The following GPC3 variants were observed in gnomAD, a reference collection of about 807,000 sequenced individuals.
The protein encoded by GPC3 is glypican-3.
GPC3 carries 3 observed loss-of-function variants against 34.4 expected under a neutral mutation model. The observed-to-expected ratio is 0.09, with a 90% CI of 0.04 to 0.23. GPC3 has a LOEUF of 0.23. Ranked by LOEUF, GPC3 falls within the 10% of genes least tolerant of loss-of-function variation. GPC3 has a pLI of 1.00. For synonymous variants in GPC3, 177 were observed against 174.0 expected, an observed-to-expected ratio of 1.02 and a Z score of -0.13; for missense variants, 351 against 445.6, an observed-to-expected ratio of 0.79 and a Z score of 1.91.
chrX:133,935,758 G>A (rs1196157585), intron 2 of GPC3, among the ~76,000 whole-genome samples: 1 of 111,095 alleles, frequency 9.0e-6, no homozygotes, highest in Non-Finnish European at 1.9e-5. Context: ...GCACAGAAGA[G>A]TTTTGATTTA....
intron 2 of GPC3, among the ~76,000 whole-genome samples, chrX:133,865,675 A>C (rs1272684412): frequency 8.9e-6 from 1 of 112,152 alleles, no homozygotes; most frequent in Non-Finnish European, 1.9e-5. Context: ...CTTTTCCTAC[A>C]TGTGGTAATT....
At chrX:133,713,679 A>G (rs1169293323) in intron 3 of GPC3, among the ~76,000 whole-genome samples, 2 of 112,272 alleles carry the variant, frequency 1.8e-5, no homozygotes, top group African/African-American at 3.2e-5. Flanking sequence ...AGTATTTTGT[A>G]GGCATTTTCT....
At chrX:133,893,282 G>T (rs1000457528) in intron 2 of GPC3, among the ~76,000 whole-genome samples, 1 of 111,342 alleles carries the variant, frequency 9.0e-6, no homozygotes, top group South Asian at 3.8e-4. Flanking sequence ...TCTCAGTAAG[G>T]TTATATTGTT....
chrX:133,945,612 G>C (rs2076364666), intron 2 of GPC3, among the ~76,000 whole-genome samples: 1 of 109,016 alleles, frequency 9.2e-6, no homozygotes, highest in South Asian at 4.1e-4. Flanking sequence ...AAATTAGCCA[G>C]GCATGATGGC....
At chrX:133,772,187 T>C (rs2071929677) in intron 2 of GPC3, among the ~76,000 whole-genome samples, 1 of 112,000 alleles carries the variant, frequency 8.9e-6, no homozygotes, top group Non-Finnish European at 1.9e-5. Flanking sequence ...TCAATGCTTG[T>C]TAGAGTAAAA....
chrX:133,982,227 T>C (rs2076543878), intron 1 of GPC3, among the ~76,000 whole-genome samples: 1 of 111,956 alleles, frequency 8.9e-6, no homozygotes, highest in African/African-American at 3.2e-5. Flanking sequence ...TATGAGCTCA[T>C]TGGCTTTTTT....
intron 2 of GPC3, among the ~76,000 whole-genome samples, chrX:133,909,453 T>TG (rs1462327506): frequency 8.9e-6 from 1 of 112,163 alleles, no homozygotes; most frequent in Non-Finnish European, 1.9e-5. Flanking sequence ...GTCTGATACT[T>TG]TTTCCTCAAC....
At chrX:133,745,301 C>G (rs2071603261) in intron 3 of GPC3, among the ~76,000 whole-genome samples, 1 of 112,196 alleles carries the variant, frequency 8.9e-6, no homozygotes, top group Non-Finnish European at 1.9e-5. Context: ...TGAATACACT[C>G]TGAGTGTCAC....
chrX:133,939,349 T>A (rs1469742821), intron 2 of GPC3, among the ~76,000 whole-genome samples: 1 of 112,425 alleles, frequency 8.9e-6, no homozygotes, highest in Non-Finnish European at 1.9e-5. Context: ...TAGTTGATTA[T>A]ACCTTGAAAA....
intron 2 of GPC3, among the ~76,000 whole-genome samples, chrX:133,862,261 G>A (rs768440969): frequency 1.3e-3 from 148 of 110,723 alleles, no homozygotes; most frequent in African/African-American, 4.4e-3. Context: ...AGAAAGATGC[G>A]TAAATATGTG....
chrX:133,800,103 T>C (rs1325414969), intron 2 of GPC3, among the ~76,000 whole-genome samples: 1 of 112,403 alleles, frequency 8.9e-6, no homozygotes, highest in Non-Finnish European at 1.9e-5. Context: ...ATCCATTCTT[T>C]CTTTGGCTTC....
chrX:133,638,905 A>C (rs1311166737), intron 6 of GPC3, among the ~76,000 whole-genome samples: 1 of 111,398 alleles, frequency 9.0e-6, no homozygotes, highest in Non-Finnish European at 1.9e-5. Context: ...GCCGCATTCA[A>C]AGCTGTCCTG....
chrX:133,948,034 G>A (rs776950040), intron 2 of GPC3, among the ~76,000 whole-genome samples: 5 of 110,761 alleles, frequency 4.5e-5, no homozygotes, highest in African/African-American at 6.6e-5. Flanking sequence ...GCTGGAGTGC[G>A]GGCAGAACTG....
At chrX:133,917,739 A>G (rs923004920) in intron 2 of GPC3, among the ~76,000 whole-genome samples, 1 of 111,879 alleles carries the variant, frequency 8.9e-6, no homozygotes, top group African/African-American at 3.2e-5. Flanking sequence ...AATAACAATA[A>G]AAGTCTCCAA....
chrX:133,769,552 T>C (rs1181603825), intron 2 of GPC3, among the ~76,000 whole-genome samples: 1 of 111,686 alleles, frequency 9.0e-6, no homozygotes. Context: ...GTATGTCAAC[T>C]ACACCTCAAT....
chrX:133,723,193 C>T (rs1394474456), intron 3 of GPC3, among the ~76,000 whole-genome samples: 1 of 111,428 alleles, frequency 9.0e-6, no homozygotes, highest in African/African-American at 3.3e-5. Flanking sequence ...CTGGCTTTCC[C>T]CTGTTGCCTT....
intron 7 of GPC3, among the ~76,000 whole-genome samples, chrX:133,538,949 G>A (rs1298064938): frequency 1.0e-5 from 1 of 99,722 alleles, no homozygotes; most frequent in African/African-American, 3.7e-5. Context: ...TCAAACTCCT[G>A]AGCTCAAGCG....
chrX:133,749,488 T>C (rs2071641150), intron 3 of GPC3, among the ~76,000 whole-genome samples: 1 of 110,852 alleles, frequency 9.0e-6, no homozygotes, highest in South Asian at 3.8e-4. Flanking sequence ...GTCTGAAGTA[T>C]TGAGAACTAT....
At chrX:133,668,946 A>C (rs1343303897) in intron 5 of GPC3, among the ~76,000 whole-genome samples, 2 of 112,135 alleles carry the variant, frequency 1.8e-5, no homozygotes, top group African/African-American at 6.5e-5. Context: ...ACAATGGATG[A>C]GCTGCTTATA....
Sources: gnomAD v4.1 joint callset for allele counts (sites outside exome capture counted in the v4.1 genomes callset) on GRCh38, gnomAD v4.1.1 for gene constraint, MANE v1.5 for transcripts, NCBI Gene and HGNC (gene_info 2026-07-23, HGNC 2026-07-21) for gene names.